GALNT16: variants seen among roughly 807,000 people sequenced by gnomAD.
GALNT16 encodes the protein UDP-GalNAc:polypeptide N-acetylgalactosaminyltransferase-like protein 1.
A neutral mutation model predicts 76.1 loss-of-function variants in GALNT16; 40 were observed. That is an observed-to-expected ratio of 0.53 (90% CI 0.41 to 0.68). The LOEUF (loss-of-function observed/expected upper bound fraction) is 0.68, where lower values mean the gene tolerates loss of function less well. Among genes scored for constraint, GALNT16 ranks in the 30% least tolerant of loss-of-function variants. GALNT16 has a pLI of 0.00. For synonymous variants in GALNT16, 276 were observed against 285.2 expected, an observed-to-expected ratio of 0.97 and a Z score of 0.32; for missense variants, 621 against 731.9, an observed-to-expected ratio of 0.85 and a Z score of 1.75.
chr14:69,382,170 C>T, the GALNT16 span, among the ~76,000 whole-genome samples: 1 of 152,182 alleles, frequency 6.6e-6, no homozygotes, highest in Non-Finnish European at 1.5e-5. Context: ...AGTAGGAATG[C>T]TTTATACAAT....
chr14:69,340,492 T>C (rs1025135780), intron 11 of GALNT16, among the ~76,000 whole-genome samples: 4 of 152,250 alleles, frequency 2.6e-5, no homozygotes, highest in Admixed American at 6.5e-5. Context: ...TGGAATTTTT[T>C]TTTTTTTTTC....
At chr14:69,344,075 A>G (rs2045530033) in intron 12 of GALNT16, among the ~76,000 whole-genome samples, 1 of 152,216 alleles carries the variant, frequency 6.6e-6, no homozygotes, top group Admixed American at 6.5e-5. Context: ...CCTGAGTGAT[A>G]CCAACTTTCC....
At chr14:69,320,214 G>A (rs1383705889) in intron 1 of GALNT16, among the ~76,000 whole-genome samples, 3 of 152,204 alleles carry the variant, frequency 2.0e-5, no homozygotes, top group African/African-American at 7.2e-5. Context: ...CCTCTTGATG[G>A]CCGGGCGCGG....
At chr14:69,328,690 T>C (rs2045316756) in intron 6 of GALNT16, 119 bp downstream of exon 6, 2 of 989,054 alleles carry the variant, frequency 2.0e-6, no homozygotes, top group African/African-American at 1.6e-5. Flanking sequence ...GCCCAAATAG[T>C]CTACTTCCCC....
Position 69,286,869 on chromosome 14 carries a change from T to C in GALNT16, c.177+26402T>C, listed in dbSNP as rs1306955000. 2.6e-5 allele frequency among the ~76,000 whole-genome samples: 4 copies of C among 152,148 alleles called. 1 individual carries two copies. Among genetic ancestry groups the C allele is most frequent in the African/African-American group, 9.7e-5 (4 of 41,434 alleles). ...TCAGAATGTTTGAAAAATTTTATAA[T>C]AAAATGTCGATGTTTTAATAAAAAA... On this transcript the variant is annotated intron_variant, in intron 1 of 14. Transcript: ENST00000448469.
chr14:69,309,708 G>C (rs536054834), intron 1 of GALNT16, among the ~76,000 whole-genome samples: 131 of 152,146 alleles, frequency 8.6e-4, no homozygotes, highest in African/African-American at 3.0e-3. Context: ...AGCTCTTTGT[G>C]TATTACAGAA....
intron 1 of GALNT16, among the ~76,000 whole-genome samples, chr14:69,284,781 T>C (rs1411465308): frequency 6.6e-6 from 1 of 152,100 alleles, no homozygotes; most frequent in Non-Finnish European, 1.5e-5. Context: ...GGGAGGGACC[T>C]GGTGGGAGGT....
At chr14:69,315,169 A>T (rs2045082624) in intron 1 of GALNT16, among the ~76,000 whole-genome samples, 1 of 152,234 alleles carries the variant, frequency 6.6e-6, no homozygotes, top group Non-Finnish European at 1.5e-5. Context: ...CTGGAAAAAA[A>T]AACTGAAGCA....
At chr14:69,279,260 A>G (rs1226834640) in intron 1 of GALNT16, among the ~76,000 whole-genome samples, 2 of 152,198 alleles carry the variant, frequency 1.3e-5, no homozygotes, top group East Asian at 3.9e-4. Context: ...TATTTTGTTC[A>G]TTAAGAATTT....
At position 69,347,142 on chromosome 14, in the gene GALNT16, G is replaced by T. The variant is rs1238937883; in HGVS notation, c.1374G>T (p.Gly458=). 2.5e-6 allele frequency: 4 copies of T among 1,613,530 alleles called. No individual in the cohort carries two copies. The highest frequency in any genetic ancestry group is 3.4e-6 in the Non-Finnish European group (4 of 1,179,780). Reference sequence around the variant, plus strand: ...CTGGTGACTTCCTGCTTGGAATGGGGATCTGCAGAGGGTCTGCCAAGAACC... The same window carrying T: ...CTGGTGACTTCCTGCTTGGAATGGGTATCTGCAGAGGGTCTGCCAAGAACC... ...NTAGDFLLGM[G]ICRGSAKNPQ... is the part of the protein sequence containing the mutation. The change falls in exon 13 of 15, where the codon GGG becomes GGT. Residue 458 remains glycine (G), a synonymous_variant. Transcript: ENST00000448469.
chr14:69,283,705 A>G (rs993445408), intron 1 of GALNT16, among the ~76,000 whole-genome samples: 1 of 152,170 alleles, frequency 6.6e-6, no homozygotes, highest in Non-Finnish European at 1.5e-5. Flanking sequence ...CCTACATCAC[A>G]GGGTAGTTAA....
chr14:69,316,439 A>C (rs2045101415), intron 1 of GALNT16, among the ~76,000 whole-genome samples: 1 of 152,200 alleles, frequency 6.6e-6, no homozygotes, highest in East Asian at 1.9e-4. Flanking sequence ...AAAACCCTAA[A>C]ATAAATAAGT....
chr14:69,287,727 G>A (rs780189660), intron 1 of GALNT16, among the ~76,000 whole-genome samples: 21 of 152,272 alleles, frequency 1.4e-4, no homozygotes, highest in East Asian at 3.9e-4. Flanking sequence ...CACGGAGCCC[G>A]CCTTTCCTAC....
chr14:69,385,101 A>G, the GALNT16 span, among the ~76,000 whole-genome samples: 5 of 152,254 alleles, frequency 3.3e-5, no homozygotes, highest in Admixed American at 2.0e-4. Flanking sequence ...TACACCCCCA[A>G]TTAAAGCTCA....
chr14:69,350,500 G>A (rs1332725821), intron 14 of GALNT16: 1 of 152,250 alleles, frequency 6.6e-6, no homozygotes, highest in African/African-American at 2.4e-5. Context: ...AGAAACAGGA[G>A]GGGGGATCCA....
chr14:69,289,062 G>A (rs1167534020), intron 1 of GALNT16, among the ~76,000 whole-genome samples: 1 of 152,142 alleles, frequency 6.6e-6, no homozygotes, highest in Admixed American at 6.5e-5. Context: ...ATTTTTTGTA[G>A]AAACAGGGTC....
the GALNT16 span, among the ~76,000 whole-genome samples, chr14:69,382,207 T>C: frequency 2.0e-5 from 3 of 152,192 alleles, no homozygotes; most frequent in African/African-American, 4.8e-5. Flanking sequence ...CTCTGAACAG[T>C]AAGGTCACAA....
the GALNT16 span, among the ~76,000 whole-genome samples, chr14:69,385,823 T>G: frequency 6.6e-6 from 1 of 152,108 alleles, no homozygotes; most frequent in South Asian, 2.1e-4. Flanking sequence ...AAATTCTCAG[T>G]CCTCACATAT....
the GALNT16 span, among the ~76,000 whole-genome samples, chr14:69,376,886 T>C: frequency 6.6e-6 from 1 of 152,136 alleles, no homozygotes; most frequent in African/African-American, 2.4e-5. Flanking sequence ...ACCTAGAAAC[T>C]ATGTCCATGA....
Sources: gnomAD v4.1 joint callset for allele counts (sites outside exome capture counted in the v4.1 genomes callset) on GRCh38, gnomAD v4.1.1 for gene constraint, MANE v1.5 for transcripts, NCBI Gene and HGNC (gene_info 2026-07-23, HGNC 2026-07-21) for gene names.